Variants in HSDL2 observed in about 807,000 individuals in gnomAD.
The protein encoded by HSDL2 is hydroxysteroid dehydrogenase-like protein 2.
Under a neutral mutation model 46.3 loss-of-function variants are expected in HSDL2, and 27 were observed. The ratio of observed to expected loss-of-function variants is 0.58; its 90% CI spans 0.43 to 0.80. The LOEUF is 0.80. HSDL2 is among the 30% of genes least tolerant of loss of function. HSDL2 has a pLI of 0.00. For missense variants in HSDL2, 451 were observed against 502.7 expected (o/e 0.90, Z 0.98); for synonymous variants, 153 against 163.6 (o/e 0.94, Z 0.50).
intron 10 of HSDL2, among the ~76,000 whole-genome samples, chr9:112,463,738 G>A (rs1194349685): frequency 2.0e-5 from 3 of 151,872 alleles, no homozygotes; most frequent in African/African-American, 7.3e-5. Flanking sequence ...TCGGCTCACT[G>A]CAACCTCCAC....
At chr9:112,389,215 G>A (rs186471835) in intron 1 of HSDL2, among the ~76,000 whole-genome samples, 9 of 152,120 alleles carry the variant, frequency 5.9e-5, no homozygotes, top group Admixed American at 5.9e-4. Flanking sequence ...TGTAGAGACA[G>A]GGTCTCACTA....
intron 10 of HSDL2, chr9:112,469,919 T>A (rs1400672029): frequency 6.6e-6 from 1 of 152,376 alleles, no homozygotes; most frequent in Non-Finnish European, 1.5e-5. Context: ...GGTACAATTC[T>A]ATTTTAATGC....
intron 6 of HSDL2, among the ~76,000 whole-genome samples, chr9:112,426,290 C>T (rs2132654608): frequency 7.0e-6 from 1 of 143,400 alleles, no homozygotes; most frequent in South Asian, 2.2e-4. Flanking sequence ...GGCTGGAGTG[C>T]AGTGGCATGA....
intron 1 of HSDL2, among the ~76,000 whole-genome samples, chr9:112,386,337 A>G (rs1385539805): frequency 6.6e-6 from 1 of 152,214 alleles, no homozygotes; most frequent in African/African-American, 2.4e-5. Flanking sequence ...TAAGACAGGA[A>G]GAAAAAGTAT....
chr9:112,438,759 G>A, intron 7 of HSDL2, 134 bp downstream of exon 7: 1 of 573,780 alleles, frequency 1.7e-6, no homozygotes, highest in East Asian at 3.1e-5. Flanking sequence ...TCCCAATGAA[G>A]GAAGAAAACC....
intron 8 of HSDL2, among the ~76,000 whole-genome samples, chr9:112,450,828 T>TA (rs1383735936): frequency 2.0e-5 from 3 of 152,140 alleles, no homozygotes; most frequent in Non-Finnish European, 4.4e-5. Context: ...AGAAGCTTTA[T>TA]ATATATTATG....
At chr9:112,464,389 A>G (rs1833314537) in intron 10 of HSDL2, among the ~76,000 whole-genome samples, 1 of 152,222 alleles carries the variant, frequency 6.6e-6, no homozygotes, top group Non-Finnish European at 1.5e-5. Context: ...TCTTAAAAGT[A>G]TCTTCTGTAT....
chr9:112,459,284 T>C (rs1330187093), intron 9 of HSDL2, among the ~76,000 whole-genome samples, 165 bp from the exon 10 acceptor site: 1 of 152,218 alleles, frequency 6.6e-6, no homozygotes, highest in Non-Finnish European at 1.5e-5. Context: ...CCTAGCAGAA[T>C]ACCTGGACGT....
At chr9:112,468,648 C>G (rs1833469287) in intron 10 of HSDL2, among the ~76,000 whole-genome samples, 1 of 152,020 alleles carries the variant, frequency 6.6e-6, no homozygotes, top group Admixed American at 6.6e-5. Flanking sequence ...CCTCCTCTTC[C>G]CTCTTTCTCC....
chr9:112,380,623 A>G (rs1217672958), intron 1 of HSDL2, among the ~76,000 whole-genome samples: 1 of 152,190 alleles, frequency 6.6e-6, no homozygotes, highest in East Asian at 1.9e-4. Flanking sequence ...TTTCCAAATT[A>G]GAAACTAAAC....
intron 6 of HSDL2, among the ~76,000 whole-genome samples, chr9:112,424,105 G>A (rs916495098): frequency 1.3e-5 from 2 of 151,722 alleles, no homozygotes; most frequent in African/African-American, 4.8e-5. Flanking sequence ...CGGATCACGA[G>A]GTCAGGAGAT....
chr9:112,394,304 C>A (rs1831412402), intron 1 of HSDL2, among the ~76,000 whole-genome samples: 1 of 143,832 alleles, frequency 7.0e-6, no homozygotes, highest in Admixed American at 6.9e-5. Flanking sequence ...AGCCTCAGGG[C>A]TGGGGTGGGC....
intron 6 of HSDL2, among the ~76,000 whole-genome samples, chr9:112,430,166 G>A (rs537936719): frequency 6.6e-6 from 1 of 152,260 alleles, no homozygotes; most frequent in South Asian, 2.1e-4. Flanking sequence ...GGGAAGGTAG[G>A]TTTGGCCTTT....
intron 8 of HSDL2, among the ~76,000 whole-genome samples, chr9:112,450,884 G>A (rs1473599319): frequency 2.0e-5 from 3 of 151,884 alleles, no homozygotes; most frequent in African/African-American, 7.3e-5. Flanking sequence ...CTTAATTATT[G>A]TGAATGTTTT....
intron 6 of HSDL2, among the ~76,000 whole-genome samples, chr9:112,436,960 C>CTTTTTTTTTTTTTT (rs780957603): frequency 4.7e-5 from 6 of 126,778 alleles, no homozygotes; most frequent in South Asian, 5.0e-4. Context: ...TTCTTTTTTT[C>CTTTTTTTTTTTTTT]TTTTTTTTTT....
chr9:112,471,732 T>C lies in HSDL2; in HGVS notation c.*1188T>C, dbSNP rs1481014446. On this transcript the variant is annotated 3_prime_UTR_variant, in exon 11 of 11. Transcript: ENST00000398805. ...TTTTATTATGGCAGCCCTAGCAAGCTAATACAGTGGTTTGAGAGGCTGGGA... is the reference window on the plus strand; with the variant it reads ...TTTTATTATGGCAGCCCTAGCAAGCCAATACAGTGGTTTGAGAGGCTGGGA... 1 of 152,210 alleles carries C rather than the reference T, an allele frequency of 6.6e-6. No homozygotes were observed. The highest frequency in any genetic ancestry group is 1.5e-5 in the Non-Finnish European group (1 of 68,068). The allele number at this position is 152,210 out of a possible 1,614,324, so 9.4% of individuals were successfully genotyped here. A position where few individuals can be genotyped will look rare whatever the true frequency, so the allele number is the denominator to read the frequency against.
chr9:112,469,417 C>T (rs1461879070), intron 10 of HSDL2, among the ~76,000 whole-genome samples: 1 of 151,726 alleles, frequency 6.6e-6, no homozygotes, highest in Admixed American at 6.6e-5. Flanking sequence ...TGAGGCTGGG[C>T]CAGATGGCTC....
At chr9:112,380,869 T>C (rs1023946998) in intron 1 of HSDL2, among the ~76,000 whole-genome samples, 1 of 152,146 alleles carries the variant, frequency 6.6e-6, no homozygotes, top group African/African-American at 2.4e-5. Flanking sequence ...CAACCACCAT[T>C]CTACTTTCTG....
At chr9:112,408,726 A>T (rs945486813) in intron 3 of HSDL2, among the ~76,000 whole-genome samples, 181 bp from the exon 4 acceptor site, 3 of 152,152 alleles carry the variant, frequency 2.0e-5, no homozygotes, top group Non-Finnish European at 4.4e-5. Context: ...GAGATAAAAT[A>T]AAAAAACAGT....
Sources: allele counts gnomAD v4.1 joint callset (sites outside exome capture counted in the v4.1 genomes callset), GRCh38; gene constraint gnomAD v4.1.1; transcripts MANE v1.5; gene names NCBI Gene and HGNC (gene_info 2026-07-23, HGNC 2026-07-21).